TMEM135: variants seen among roughly 807,000 people sequenced by gnomAD.
The protein encoded by TMEM135 is transmembrane protein 135.
A neutral mutation model predicts 60.3 loss-of-function variants in TMEM135; 30 were observed. The observed-to-expected ratio is 0.50, with a 90% CI of 0.37 to 0.68. The LOEUF is 0.68. Ranked by LOEUF, TMEM135 falls within the 30% of genes least tolerant of loss-of-function variation. The pLI is 0.00. For missense variants in TMEM135, 468 were observed against 548.8 expected (o/e 0.85, Z 1.47); for synonymous variants, 190 against 186.7 (o/e 1.02, Z -0.14).
chr11:87,307,745 A>C (rs909887309), intron 9 of TMEM135, among the ~76,000 whole-genome samples: 1 of 152,172 alleles, frequency 6.6e-6, no homozygotes, highest in Non-Finnish European at 1.5e-5. Flanking sequence ...TGGTAGTGAA[A>C]TTTTTTGACA....
At chr11:87,303,183 C>T (rs1271643084) in intron 8 of TMEM135, among the ~76,000 whole-genome samples, 6 of 152,130 alleles carry the variant, frequency 3.9e-5, no homozygotes, top group East Asian at 3.9e-4. Flanking sequence ...TGAGCATTAC[C>T]GTTTGAACTC....
chr11:87,157,263 C>T, intron 4 of TMEM135, 78 bp from the exon 5 acceptor site: 1 of 1,323,182 alleles, frequency 7.6e-7, no homozygotes. Context: ...ATGTTTTTCA[C>T]ATTTAGGGTG....
At position 87,065,841 on chromosome 11, in the gene TMEM135, C is replaced by G. The variant is rs192857605; in HGVS notation, c.142-1853C>G. ...GTGATCCATTTTAAATTAATTTTTGCATAAAGTGTGAGACTTAGGTTGAGG... is the reference window on the plus strand; with the variant it reads ...GTGATCCATTTTAAATTAATTTTTGGATAAAGTGTGAGACTTAGGTTGAGG... On this transcript the variant is annotated intron_variant, in intron 1 of 14. Transcript: ENST00000305494. Among the ~76,000 whole-genome samples the G allele has an allele frequency of 2.5e-3, 373 of 152,240 alleles. 1 individual carries two copies. The highest frequency in any genetic ancestry group is 3.2e-3 in the Non-Finnish European group (219 of 68,014).
At chr11:87,288,394 C>T (rs1310031023) in intron 6 of TMEM135, among the ~76,000 whole-genome samples, 3 of 152,044 alleles carry the variant, frequency 2.0e-5, no homozygotes, top group African/African-American at 7.2e-5. Flanking sequence ...GAAGTTCCAC[C>T]TCAATAAGTT....
At chr11:87,187,805 G>T (rs1231169129) in intron 5 of TMEM135, among the ~76,000 whole-genome samples, 1 of 152,114 alleles carries the variant, frequency 6.6e-6, no homozygotes, top group Non-Finnish European at 1.5e-5. Context: ...ACAACTTCTT[G>T]TTGTTTGTGG....
intron 1 of TMEM135, among the ~76,000 whole-genome samples, chr11:87,062,104 C>T (rs1215429273): frequency 6.6e-6 from 1 of 151,946 alleles, no homozygotes; most frequent in Non-Finnish European, 1.5e-5. Context: ...CTTCTGGGTT[C>T]AAGCAATTCT....
At chr11:87,276,236 T>G (rs2135415784) in intron 6 of TMEM135, among the ~76,000 whole-genome samples, 1 of 152,312 alleles carries the variant, frequency 6.6e-6, no homozygotes, top group African/African-American at 2.4e-5. Flanking sequence ...ACATTGTTCT[T>G]GATCATTTTC....
Position 87,326,856 on chromosome 11 carries a change from AG to A in TMEM135, c.*5526del. 2.2e-6 allele frequency: 1 copy of A among 452,338 alleles called. No homozygotes were observed. Among genetic ancestry groups the A allele is most frequent in the Non-Finnish European group, 4.4e-6 (1 of 226,518 alleles). The allele number at this position is 452,338 out of a possible 1,614,324, so 28.0% of individuals were successfully genotyped here. A position where few individuals can be genotyped will look rare whatever the true frequency, so the allele number is the denominator to read the frequency against. Reference sequence around the variant, plus strand: ...GCACTAAGGCTCTCTTCAGAACCAAAGGGCAGGATAAATAAATCTATGAAAC... The same window carrying A: ...GCACTAAGGCTCTCTTCAGAACCAAAGGCAGGATAAATAAATCTATGAAAC... On this transcript the variant is annotated 3_prime_UTR_variant, in exon 15 of 15. Coordinates refer to ENST00000305494, the MANE Select transcript of TMEM135 (RefSeq NM_022918.4).
At chr11:87,278,984 ATTT>A (rs34112632) in intron 6 of TMEM135, among the ~76,000 whole-genome samples, 55,260 of 148,338 alleles carry the variant, frequency 0.37, 10,728 homozygotes, top group Non-Finnish European at 0.44. Context: ...GCTTCTCAGC[ATTT>A]TTTTTTTTTT....
intron 5 of TMEM135, among the ~76,000 whole-genome samples, chr11:87,159,997 C>G (rs191507890): frequency 1.3e-5 from 2 of 151,948 alleles, no homozygotes; most frequent in African/African-American, 4.8e-5. Flanking sequence ...ATTTATTTGT[C>G]CTAGGGCATT....
At chr11:87,301,120 A>G (rs2135439112) in intron 7 of TMEM135, among the ~76,000 whole-genome samples, 1 of 152,228 alleles carries the variant, frequency 6.6e-6, no homozygotes, top group East Asian at 1.9e-4. Context: ...ACCCTTGCAC[A>G]CCCCTTATGA....
At chr11:87,079,104 C>T (rs886810436) in intron 3 of TMEM135, among the ~76,000 whole-genome samples, 2 of 151,894 alleles carry the variant, frequency 1.3e-5, no homozygotes, top group Non-Finnish European at 2.9e-5. Flanking sequence ...CTGCCTGGTT[C>T]AAGCAATTCT....
chr11:87,060,137 A>G (rs1949932492), intron 1 of TMEM135, among the ~76,000 whole-genome samples: 1 of 152,148 alleles, frequency 6.6e-6, no homozygotes, highest in African/African-American at 2.4e-5. Context: ...AAAAAAGTAA[A>G]TCTTATAGAT....
chr11:87,040,586 T>C (rs1456195329), intron 1 of TMEM135, among the ~76,000 whole-genome samples: 1 of 149,482 alleles, frequency 6.7e-6, no homozygotes, highest in East Asian at 2.0e-4. Flanking sequence ...CACTTGAACC[T>C]GGGAGGTGGA....
At position 87,323,222 on chromosome 11, in the gene TMEM135, C is replaced by G. The variant is rs765682490; in HGVS notation, c.*1889C>G. On this transcript the variant is annotated 3_prime_UTR_variant, in exon 15 of 15. Transcript: ENST00000305494. ...GGTGTATTTCTACAATTTACCTTTTCATTTTTATAAATTGCAGTCATTTTT... is the reference window on the plus strand; with the variant it reads ...GGTGTATTTCTACAATTTACCTTTTGATTTTTATAAATTGCAGTCATTTTT... 2.3e-4 allele frequency: 106 copies of G among 453,484 alleles called. No homozygotes were observed. The highest frequency in any genetic ancestry group is 1.6e-3 in the South Asian group (104 of 64,282). The allele number at this position is 453,484 out of a possible 1,614,324, so 28.1% of individuals were successfully genotyped here.
chr11:87,321,525 T>A lies in TMEM135; in HGVS notation c.*192T>A. On this transcript the variant is annotated 3_prime_UTR_variant, in exon 15 of 15. Transcript: ENST00000305494. ...GGAAGATGTTGCTTAATAATTAAGCTTCCTCCATAGCCAGAATAAGATTCT... is the reference window on the plus strand; with the variant it reads ...GGAAGATGTTGCTTAATAATTAAGCATCCTCCATAGCCAGAATAAGATTCT... 1.4e-6 allele frequency: 1 copy of A among 702,764 alleles called. No homozygotes were observed. Among genetic ancestry groups the A allele is most frequent in the Non-Finnish European group, 2.6e-6 (1 of 391,034 alleles). The allele number at this position is 702,764 out of a possible 1,614,324, so 43.5% of individuals were successfully genotyped here. A position where few individuals can be genotyped will look rare whatever the true frequency, so the allele number is the denominator to read the frequency against.
At chr11:87,258,043 A>G (rs888560565) in intron 6 of TMEM135, among the ~76,000 whole-genome samples, 2 of 152,140 alleles carry the variant, frequency 1.3e-5, no homozygotes, top group Non-Finnish European at 2.9e-5. Context: ...GTATGAATAG[A>G]AATTACATTT....
At chr11:87,236,550 A>G in intron 5 of TMEM135, 88 bp from the exon 6 acceptor site, 1 of 1,078,046 alleles carries the variant, frequency 9.3e-7, no homozygotes, top group Non-Finnish European at 1.4e-6. Flanking sequence ...TTTCAGGCAC[A>G]AGATTTAATA....
At chr11:87,079,456 GA>G (rs769679347) in intron 3 of TMEM135, among the ~76,000 whole-genome samples, 28 of 152,014 alleles carry the variant, frequency 1.8e-4, no homozygotes, top group Admixed American at 1.8e-3. Flanking sequence ...AAATATAGTA[GA>G]TTTTTTTGTG....
Sources: allele counts gnomAD v4.1 joint callset (sites outside exome capture counted in the v4.1 genomes callset), GRCh38; gene constraint gnomAD v4.1.1; transcripts MANE v1.5; gene names NCBI Gene and HGNC (gene_info 2026-07-23, HGNC 2026-07-21).